BICC1: variants seen among roughly 807,000 people sequenced by gnomAD.
BICC1 encodes protein bicaudal C homolog 1.
Under a neutral mutation model 111.0 loss-of-function variants are expected in BICC1, and 43 were observed. The observed-to-expected ratio is 0.39, with a 90% confidence interval of 0.30 to 0.50. BICC1 has a LOEUF of 0.50. BICC1 is among the 20% of genes least tolerant of loss of function. The probability of loss-of-function intolerance (pLI) is 0.88; values close to 1 mark genes in which losing one functional copy is unlikely to be tolerated. For missense variants in BICC1, 1,091 were observed against 1,203.2 expected (o/e 0.91, Z 1.38); for synonymous variants, 467 against 434.4 (o/e 1.07, Z -0.93).
intron 1 of BICC1, among the ~76,000 whole-genome samples, chr10:58,578,679 T>C (rs1589114164): frequency 6.6e-6 from 1 of 151,930 alleles, no homozygotes; most frequent in Non-Finnish European, 1.5e-5. Context: ...TTGAAAGAGG[T>C]GGAGGTAAAC....
intron 1 of BICC1, among the ~76,000 whole-genome samples, chr10:58,573,707 T>C (rs1189580117): frequency 6.6e-6 from 1 of 152,150 alleles, no homozygotes; most frequent in Non-Finnish European, 1.5e-5. Context: ...GTGAGGTGCC[T>C]GCTGTCTGTC....
chr10:58,515,486 A>G lies in BICC1; in HGVS notation c.190+2153A>G, dbSNP rs1322636310. Among the ~76,000 whole-genome samples the G allele has an allele frequency of 3.3e-5, 5 of 152,210 alleles. No homozygotes were observed. The South Asian group carries it at 1.0e-3, about 32-fold the overall frequency. Reference sequence around the variant, plus strand: ...CCAATACTGTAGACAGTTGTGGCACAGTGGTATTTGTGTATCTAAATATAT... The same window carrying G: ...CCAATACTGTAGACAGTTGTGGCACGGTGGTATTTGTGTATCTAAATATAT... On this transcript the variant is annotated intron_variant, in intron 1 of 20. Transcript: ENST00000373886.
chr10:58,715,407 A>C (rs1385698021), intron 3 of BICC1: 2 of 595,048 alleles, frequency 3.4e-6, no homozygotes, highest in Non-Finnish European at 6.0e-6. Flanking sequence ...CTTATTCTAC[A>C]CACACATTTC....
At position 58,830,180 on chromosome 10, in the gene BICC1, A is replaced by G. The variant is rs1050902521; in HGVS notation, c.*1289A>G. On this transcript the variant is annotated 3_prime_UTR_variant, in exon 21 of 21. Coordinates refer to ENST00000373886, the MANE Select transcript of BICC1 (RefSeq NM_001080512.3). The stretch of plus-strand genomic sequence containing the variant: ...AAAAAATATATCTTTTTAAGTGGCT[A>G]GAGTCATTATTACAATCTTATACTG... The G allele has an allele frequency of 6.6e-6, 1 of 152,130 alleles. No homozygotes were observed. Among genetic ancestry groups the G allele is most frequent in the Non-Finnish European group, 1.5e-5 (1 of 68,016 alleles). The allele number at this position is 152,130 out of a possible 1,614,324, so 9.4% of individuals were successfully genotyped here.
chr10:58,724,787 C>T (rs530865009), intron 3 of BICC1, among the ~76,000 whole-genome samples: 1 of 152,304 alleles, frequency 6.6e-6, no homozygotes, highest in African/African-American at 2.4e-5. Flanking sequence ...CCCCGGTTGC[C>T]CCGGTCCTGT....
Position 58,516,807 on chromosome 10 carries a change from C to T in BICC1, c.190+3474C>T, listed in dbSNP as rs911031889. Reference sequence around the variant, plus strand: ...GCCAATTAAATTTTAGTTAAATTAACTCAAAGTTATAAGTTACATATCATA... The same window carrying T: ...GCCAATTAAATTTTAGTTAAATTAATTCAAAGTTATAAGTTACATATCATA... On this transcript the variant is annotated intron_variant, in intron 1 of 20. Transcript: ENST00000373886. 3.3e-5 allele frequency among the ~76,000 whole-genome samples: 5 copies of T among 151,888 alleles called. No individual in the cohort carries two copies. In the East Asian group the frequency reaches 9.6e-4, roughly 29 times the overall value.
intron 8 of BICC1, among the ~76,000 whole-genome samples, chr10:58,791,361 T>C (rs1843171173): frequency 6.6e-6 from 1 of 152,154 alleles, no homozygotes; most frequent in African/African-American, 2.4e-5. Context: ...TTGCACAACA[T>C]TGAAATAACT....
chr10:58,513,393 C>T, intron 1 of BICC1, 60 bp downstream of exon 1: 1 of 1,442,996 alleles, frequency 6.9e-7, no homozygotes, highest in Non-Finnish European at 9.2e-7. Flanking sequence ...TTTCGGACAT[C>T]CCCACCGCGC....
chr10:58,641,161 G>A (rs1373781301), intron 2 of BICC1, among the ~76,000 whole-genome samples: 1 of 152,166 alleles, frequency 6.6e-6, no homozygotes, highest in Non-Finnish European at 1.5e-5. Flanking sequence ...TGATGTCAAG[G>A]CAGTTGGTAA....
At chr10:58,545,503 G>A (rs1843113553) in intron 1 of BICC1, among the ~76,000 whole-genome samples, 1 of 152,098 alleles carries the variant, frequency 6.6e-6, no homozygotes, top group Non-Finnish European at 1.5e-5. Flanking sequence ...TAGTATCAGA[G>A]TTTACCAGAG....
intron 17 of BICC1, among the ~76,000 whole-genome samples, chr10:58,808,517 G>A (rs1473312891): frequency 1.3e-5 from 2 of 152,088 alleles, no homozygotes; most frequent in Non-Finnish European, 2.9e-5. Flanking sequence ...AGTAGGACAA[G>A]TTGAAAATGA....
At chr10:58,805,038 A>G (rs988095551) in intron 15 of BICC1, among the ~76,000 whole-genome samples, 1 of 152,174 alleles carries the variant, frequency 6.6e-6, no homozygotes, top group Non-Finnish European at 1.5e-5. Context: ...CACACCTGTA[A>G]TCCCAGAACT....
At chr10:58,774,864 T>A (rs929797411) in intron 3 of BICC1, among the ~76,000 whole-genome samples, 2 of 152,332 alleles carry the variant, frequency 1.3e-5, no homozygotes, top group Admixed American at 6.5e-5. Context: ...TATCCATGTC[T>A]TTTGCCCATT....
chr10:58,799,157 T>TCTC lies in BICC1; in HGVS notation c.1632_1634dup (p.Pro547dup). 6.2e-7 allele frequency: 1 copy of TCTC among 1,613,932 alleles called. No individual in the cohort carries two copies. Among genetic ancestry groups the TCTC allele is most frequent in the Non-Finnish European group, 8.5e-7 (1 of 1,179,922 alleles). On this transcript the variant is annotated inframe_insertion, in exon 12 of 21. Transcript: ENST00000373886. The stretch of plus-strand genomic sequence containing the variant: ...GCCCACCTATGGGCACACAGCTCCA[T>TCTC]CTCCCCCTCCTGGCTTGACTCCTGT...
intron 1 of BICC1, among the ~76,000 whole-genome samples, chr10:58,556,286 T>C (rs1843447592): frequency 6.6e-6 from 1 of 152,144 alleles, no homozygotes; most frequent in Non-Finnish European, 1.5e-5. Context: ...ATTGCATTAC[T>C]AGCTCTAAAA....
chr10:58,731,188 A>C lies in BICC1; in HGVS notation c.307+29045A>C, dbSNP rs115386215. Among the ~76,000 whole-genome samples the C allele has an allele frequency of 4.0e-3, 613 of 152,354 alleles. 13 individuals are homozygous for C. The highest frequency in any genetic ancestry group is 0.014 in the African/African-American group (582 of 41,590). ...TTAAAGTTCCACAGATCCCTAGAGC[A>C]GGAGAACAACCAGGCAAGCTTTTTG... On this transcript the variant is annotated intron_variant, in intron 3 of 20. Transcript: ENST00000373886.
chr10:58,571,331 T>A (rs1400115686), intron 1 of BICC1, among the ~76,000 whole-genome samples: 4 of 152,172 alleles, frequency 2.6e-5, no homozygotes, highest in Non-Finnish European at 5.9e-5. Flanking sequence ...TAATTTTTAT[T>A]TCCAACTTTT....
At chr10:58,555,499 G>A (rs1843426693) in intron 1 of BICC1, among the ~76,000 whole-genome samples, 1 of 151,944 alleles carries the variant, frequency 6.6e-6, no homozygotes, top group Non-Finnish European at 1.5e-5. Flanking sequence ...GATCAAAAAA[G>A]GGAAGCTAAG....
chr10:58,671,209 GA>G, intron 2 of BICC1, among the ~76,000 whole-genome samples: 1 of 152,142 alleles, frequency 6.6e-6, no homozygotes, highest in Non-Finnish European at 1.5e-5. Flanking sequence ...TGCAGACATA[GA>G]AAACCAAAGC....
Sources: allele counts gnomAD v4.1 joint callset (sites outside exome capture counted in the v4.1 genomes callset), GRCh38; gene constraint gnomAD v4.1.1; transcripts MANE v1.5; gene names NCBI Gene and HGNC (gene_info 2026-07-23, HGNC 2026-07-21).